The following OTUD7A variants were observed in gnomAD, a reference collection of about 807,000 sequenced individuals.
OTUD7A encodes the protein OTU domain-containing protein 7A.
OTUD7A carries 12 observed loss-of-function variants against 65.7 expected under a neutral mutation model. The ratio of observed to expected loss-of-function variants is 0.18; its 90% CI spans 0.12 to 0.30. The LOEUF (loss-of-function observed/expected upper bound fraction) is 0.30. OTUD7A is among the 10% of genes least tolerant of loss of function. The probability of loss-of-function intolerance (pLI) is 1.00; values close to 1 mark genes in which losing one functional copy is unlikely to be tolerated. For synonymous variants in OTUD7A, 641 were observed against 586.3 expected (o/e 1.09, Z -1.35); for missense variants, 1,148 against 1,304.8 (o/e 0.88, Z 1.85).
intron 3 of OTUD7A, among the ~76,000 whole-genome samples, chr15:31,603,209 T>C (rs1440158636): frequency 1.3e-5 from 2 of 152,136 alleles, no homozygotes; most frequent in Non-Finnish European, 2.9e-5. Flanking sequence ...AAGGCTACAA[T>C]AACCAAAACA....
Position 31,487,559 on chromosome 15 carries a change from G to T in OTUD7A, c.1179C>A (p.Ile393=), listed in dbSNP as rs770398885. Residue 393 remains isoleucine, a synonymous_variant, in exon 11 of 13, where the codon ATC becomes ATA. Coordinates refer to ENST00000307050, the MANE Select transcript of OTUD7A (RefSeq NM_001382637.1). This position sits in a 1 kb window ranked among gnomAD's most constrained non-coding sequence, Gnocchi z 6.0. ...QRDQQREQAV[I]PLTDSEHKLL... ...GCTTGTGCTCAGAATCCGTCAGGGGGATCACGGCTGGAACAGAAGAGACAG... is the reference window on the plus strand; with the variant it reads ...GCTTGTGCTCAGAATCCGTCAGGGGTATCACGGCTGGAACAGAAGAGACAG... 1.9e-6 allele frequency: 3 copies of T among 1,613,274 alleles called. No homozygotes were observed. Among genetic ancestry groups the T allele is most frequent in the East Asian group, 4.5e-5 (2 of 44,836 alleles).
intron 1 of OTUD7A, among the ~76,000 whole-genome samples, chr15:31,735,357 C>G (rs1894159043): frequency 6.6e-6 from 1 of 152,054 alleles, no homozygotes; most frequent in South Asian, 2.1e-4. Context: ...GAAACCCCAT[C>G]TCTACTAAAA....
intron 1 of OTUD7A, among the ~76,000 whole-genome samples, chr15:31,802,973 C>T (rs966198240): frequency 2.0e-5 from 3 of 152,152 alleles, no homozygotes; most frequent in Non-Finnish European, 4.4e-5. Context: ...GGAGGTTCTC[C>T]CAGGCCTCTA....
At chr15:31,723,651 C>T in intron 1 of OTUD7A, among the ~76,000 whole-genome samples, 1 of 93,134 alleles carries the variant, frequency 1.1e-5, no homozygotes, top group Non-Finnish European at 2.1e-5. Flanking sequence ...CATTGCTTTC[C>T]CTTGTGTACA....
chr15:31,753,388 G>C (rs36126009), intron 1 of OTUD7A, among the ~76,000 whole-genome samples: 7,851 of 151,784 alleles, frequency 0.052, 444 homozygotes, highest in African/African-American at 0.14. Context: ...GTGAGATTTT[G>C]GTGCACCCAT....
At chr15:31,589,185 C>T (rs1272360925) in intron 3 of OTUD7A, among the ~76,000 whole-genome samples, 3 of 152,036 alleles carry the variant, frequency 2.0e-5, no homozygotes, top group Admixed American at 6.5e-5. Context: ...TCTACACACA[C>T]GTGTGTATAT....
In OTUD7A at chr15:31,483,111, A is replaced by T; in HGVS notation, c.*183T>A. The T allele has an allele frequency of 4.6e-6, 2 of 432,220 alleles. No homozygotes were observed. Among genetic ancestry groups the T allele is most frequent in the Non-Finnish European group, 6.3e-6 (2 of 317,886 alleles). 26.8% of individuals were successfully genotyped at this position (432,220 alleles called of 1,614,324 possible). A position where few individuals can be genotyped will look rare whatever the true frequency, so the allele number is the denominator to read the frequency against. ...AGTATGACTTGTTTCCTATCCGTCTACTACCTGAGTGGCGTCAGTGTAGGT... is the reference window on the plus strand; with the variant it reads ...AGTATGACTTGTTTCCTATCCGTCTTCTACCTGAGTGGCGTCAGTGTAGGT... On this transcript the variant is annotated 3_prime_UTR_variant, in exon 13 of 13. Transcript: ENST00000307050.
At chr15:31,529,055 G>A (rs1349703991) in intron 6 of OTUD7A, among the ~76,000 whole-genome samples, 1 of 152,228 alleles carries the variant, frequency 6.6e-6, no homozygotes, top group Non-Finnish European at 1.5e-5. Flanking sequence ...GAGGCCCACT[G>A]TGCTCACAGG....
chr15:31,520,470 C>T (rs1023531918), intron 8 of OTUD7A, among the ~76,000 whole-genome samples: 1 of 152,184 alleles, frequency 6.6e-6, no homozygotes, highest in African/African-American at 2.4e-5. Flanking sequence ...AGATTGGACC[C>T]ACACTTCTCA....
intron 3 of OTUD7A, among the ~76,000 whole-genome samples, chr15:31,585,354 T>A (rs773020602): frequency 2.0e-5 from 3 of 152,188 alleles, no homozygotes; most frequent in Admixed American, 6.5e-5. Flanking sequence ...GCAGGAGAAG[T>A]CTTCGAATAC....
chr15:31,508,976 A>G (rs895629784), intron 8 of OTUD7A, among the ~76,000 whole-genome samples: 2 of 152,192 alleles, frequency 1.3e-5, no homozygotes, highest in African/African-American at 4.8e-5. Context: ...GTTAAGCACT[A>G]TTTTATATTT....
intron 1 of OTUD7A, among the ~76,000 whole-genome samples, chr15:31,723,110 G>A (rs1460029768): frequency 6.6e-5 from 10 of 152,180 alleles, no homozygotes; most frequent in African/African-American, 2.4e-4. Context: ...AGGAGGGCAA[G>A]GAGGTGAAGG....
intron 1 of OTUD7A, among the ~76,000 whole-genome samples, chr15:31,814,682 C>G (rs1397281198): frequency 1.3e-5 from 2 of 152,038 alleles, no homozygotes; most frequent in Admixed American, 1.3e-4. Flanking sequence ...CACCACCACA[C>G]CCGGCTAACT....
At chr15:31,763,751 GA>G (rs1282077535) in intron 1 of OTUD7A, among the ~76,000 whole-genome samples, 1 of 152,154 alleles carries the variant, frequency 6.6e-6, no homozygotes, top group Admixed American at 6.5e-5. Context: ...TCATGTGGCT[GA>G]AAAACCAAAG....
Position 31,559,078 on chromosome 15 carries a change from T to G in OTUD7A, c.441A>C (p.Pro147=). ...CNNEQFPLEM[P]IYTFQLPDLS... Reference sequence around the variant, plus strand: ...GGTCTGGCAACTGGAATGTGTAGATTGGCATCTCCAGGGGGAACTGCTCGT... The same window carrying G: ...GGTCTGGCAACTGGAATGTGTAGATGGGCATCTCCAGGGGGAACTGCTCGT... Residue 147 remains proline, a synonymous_variant, in exon 5 of 13, where the codon CCA becomes CCC. Coordinates refer to ENST00000307050, the MANE Select transcript of OTUD7A (RefSeq NM_001382637.1). 6.2e-7 allele frequency: 1 copy of G among 1,612,262 alleles called. No homozygotes were observed. Among genetic ancestry groups the G allele is most frequent in the Admixed American group, 1.7e-5 (1 of 59,910 alleles).
intron 3 of OTUD7A, among the ~76,000 whole-genome samples, chr15:31,623,928 A>G (rs1481330766): frequency 6.6e-6 from 1 of 152,226 alleles, no homozygotes; most frequent in Non-Finnish European, 1.5e-5. Flanking sequence ...TTTGATTTCA[A>G]TGATATTTGC....
chr15:31,564,685 G>A (rs1888808992), intron 4 of OTUD7A, among the ~76,000 whole-genome samples: 1 of 152,028 alleles, frequency 6.6e-6, no homozygotes, highest in African/African-American at 2.4e-5. Context: ...AATTTAACTA[G>A]ATAGAGAAGA....
Position 31,480,907 on chromosome 15 carries a change from G to A in OTUD7A, c.*2387C>T, listed in dbSNP as rs2041108069. The A allele has an allele frequency of 6.6e-6, 1 of 152,230 alleles. No individual in the cohort carries two copies. The highest frequency in any genetic ancestry group is 2.4e-5 in the African/African-American group (1 of 41,462). 9.4% of individuals were successfully genotyped at this position (152,230 alleles called of 1,614,324 possible). ...GGATGCAGCCAGTGGCTTTATCTCA[G>A]GCTCTTATTTAGGGCACATCTGTCA... On this transcript the variant is annotated 3_prime_UTR_variant, in exon 13 of 13. Coordinates refer to ENST00000307050, the MANE Select transcript of OTUD7A (RefSeq NM_001382637.1).
chr15:31,841,591 T>C (rs1470603098), intron 1 of OTUD7A, among the ~76,000 whole-genome samples: 1 of 151,652 alleles, frequency 6.6e-6, no homozygotes, highest in African/African-American at 2.4e-5. Context: ...GTTAATGGAG[T>C]TGCACGAACA....
Sources: gnomAD v4.1 joint callset for allele counts (sites outside exome capture counted in the v4.1 genomes callset) on GRCh38, gnomAD v4.1.1 for gene constraint, Gnocchi (gnomAD v3.1) non-coding constraint, MANE v1.5 for transcripts, NCBI Gene and HGNC (gene_info 2026-07-23, HGNC 2026-07-21) for gene names.